CAST: variants seen among roughly 807,000 people sequenced by gnomAD.
CAST encodes calpastatin.
In CAST, 76 loss-of-function variants were observed where a neutral mutation model predicts 119.6. That is an observed-to-expected ratio of 0.64 (90% CI 0.53 to 0.77). The LOEUF (loss-of-function observed/expected upper bound fraction) is 0.77, where lower values mean the gene tolerates loss of function less well. CAST is among the 30% of genes least tolerant of loss of function. The pLI is 0.00. For synonymous variants in CAST, 319 were observed against 331.6 expected (o/e 0.96, Z 0.41); for missense variants, 953 against 946.5 (o/e 1.01, Z -0.09).
At chr5:96,484,592 T>C in the CAST span, among the ~76,000 whole-genome samples, 107,593 of 152,010 alleles carry the variant, frequency 0.71, 38,544 homozygotes, top group African/African-American at 0.81. Context: ...GAATATTCAC[T>C]ATTTTTGGTT....
the CAST span, among the ~76,000 whole-genome samples, chr5:96,279,978 C>T: frequency 2.6e-5 from 4 of 152,378 alleles, no homozygotes; most frequent in Admixed American, 6.5e-5. Flanking sequence ...CGCCAGACAA[C>T]AGGCAAACAC....
intron 31 of CAST, 80 bp downstream of exon 31, chr5:96,771,782 C>T (rs774613198): frequency 6.1e-6 from 5 of 817,236 alleles, no homozygotes; most frequent in Non-Finnish European, 1.0e-5. Context: ...GAAGTGAAGT[C>T]CACCTCTTGA....
intron 1 of CAST, among the ~76,000 whole-genome samples, chr5:96,559,303 A>G (rs570130177): frequency 6.6e-6 from 1 of 152,224 alleles, no homozygotes; most frequent in Non-Finnish European, 1.5e-5. Context: ...GGCTAAAGAC[A>G]GGGATGTCCT....
At chr5:95,999,220 G>A in the CAST span, among the ~76,000 whole-genome samples, 1 of 152,022 alleles carries the variant, frequency 6.6e-6, no homozygotes, top group African/African-American at 2.4e-5. Context: ...TAATATAAAT[G>A]GAATTATGTG....
chr5:96,611,780 T>C (rs1265854106), intron 1 of CAST, among the ~76,000 whole-genome samples: 1 of 151,858 alleles, frequency 6.6e-6, no homozygotes, highest in Non-Finnish European at 1.5e-5. Context: ...AAATTGGGCA[T>C]AGGATATGAA....
intron 3 of CAST, among the ~76,000 whole-genome samples, chr5:96,706,316 A>AT (rs1451339643): frequency 6.6e-6 from 1 of 151,930 alleles, no homozygotes; most frequent in Non-Finnish European, 1.5e-5. Flanking sequence ...TTCTTTCTTT[A>AT]TTTTTTCCCT....
At chr5:96,515,154 G>T in the CAST span, among the ~76,000 whole-genome samples, 1 of 144,788 alleles carries the variant, frequency 6.9e-6, no homozygotes, top group Non-Finnish European at 1.5e-5. Flanking sequence ...AGAAGGATGG[G>T]AGTGCTTCAA....
the CAST span, among the ~76,000 whole-genome samples, chr5:96,178,472 C>T: frequency 6.6e-6 from 1 of 152,048 alleles, no homozygotes; most frequent in Non-Finnish European, 1.5e-5. Flanking sequence ...ACTCAGTTCT[C>T]CTGAAACAAT....
At chr5:96,719,484 T>G (rs1312679350) in intron 3 of CAST, among the ~76,000 whole-genome samples, 1 of 152,210 alleles carries the variant, frequency 6.6e-6, no homozygotes, top group East Asian at 1.9e-4. Flanking sequence ...TAAATAATAA[T>G]TGTTGAATAG....
At chr5:96,696,110 A>G (rs1581003309) in intron 3 of CAST, 2 of 341,688 alleles carry the variant, frequency 5.9e-6, no homozygotes, top group East Asian at 4.6e-5. Flanking sequence ...CATTTATTGT[A>G]TAAATCTTCT....
the CAST span, among the ~76,000 whole-genome samples, chr5:96,013,226 G>C: frequency 4.7e-5 from 7 of 149,330 alleles, no homozygotes; most frequent in African/African-American, 1.7e-4. Flanking sequence ...CCTGTTCCCT[G>C]TTCACAAGGT....
Position 96,729,175 on chromosome 5 carries a change from A to G in CAST, c.401A>G (p.Lys134Arg), listed in dbSNP as rs1759943515. The part of the protein sequence containing the change: ...STKLSVVHEK[K>R]SQEGKPKEHT... ...CAGCTGTCTGTGGTTCATGAGAAAA[A>G]ATCCCAAGAAGGAAAGCCAAAAGAA... Residue 134 changes from lysine (K) to arginine (R), a missense_variant, in exon 7 of 32, where the codon AAA becomes AGA. Coordinates refer to ENST00000675179, the MANE Select transcript of CAST (RefSeq NM_001750.7). 1 of 1,602,794 alleles carries G rather than the reference A, an allele frequency of 6.2e-7. No homozygotes were observed. The highest frequency in any genetic ancestry group is 8.5e-7 in the Non-Finnish European group (1 of 1,170,656).
intron 1 of CAST, among the ~76,000 whole-genome samples, chr5:96,652,657 G>T (rs1192928593): frequency 6.6e-6 from 1 of 152,188 alleles, no homozygotes; most frequent in African/African-American, 2.4e-5. Flanking sequence ...AGTAAGATAT[G>T]TGCCATATGT....
chr5:96,494,913 C>T, the CAST span, among the ~76,000 whole-genome samples: 145,934 of 151,984 alleles, frequency 0.96, 70,315 homozygotes, highest in East Asian at 1. Context: ...GTCAGGAGCT[C>T]GAGACCATCC....
the CAST span, among the ~76,000 whole-genome samples, chr5:96,372,329 A>C: frequency 6.6e-6 from 1 of 152,226 alleles, no homozygotes; most frequent in African/African-American, 2.4e-5. Context: ...TTGCCCATGA[A>C]TCTGATTACA....
At chr5:96,360,509 T>C in the CAST span, among the ~76,000 whole-genome samples, 3 of 152,040 alleles carry the variant, frequency 2.0e-5, no homozygotes, top group Non-Finnish European at 2.9e-5. Flanking sequence ...TTGGATGGGG[T>C]TTTGGTGTGG....
At chr5:96,023,809 AT>A in the CAST span, among the ~76,000 whole-genome samples, 1 of 152,084 alleles carries the variant, frequency 6.6e-6, no homozygotes, top group African/African-American at 2.4e-5. Flanking sequence ...AAAAAAAAAA[AT>A]AAGACATGCA....
At chr5:96,048,795 C>T in the CAST span, among the ~76,000 whole-genome samples, 1 of 152,164 alleles carries the variant, frequency 6.6e-6, no homozygotes, top group Middle Eastern at 3.4e-3. Flanking sequence ...AGTCTTTTTT[C>T]CCCTTTAGAC....
the CAST span, among the ~76,000 whole-genome samples, chr5:96,057,208 A>G: frequency 6.6e-6 from 1 of 152,232 alleles, no homozygotes; most frequent in African/African-American, 2.4e-5. Flanking sequence ...AGTAGGTTAC[A>G]ATTCACAGTG....
Sources: gnomAD v4.1 joint callset for allele counts (sites outside exome capture counted in the v4.1 genomes callset) on GRCh38, gnomAD v4.1.1 for gene constraint, MANE v1.5 for transcripts, NCBI Gene and HGNC (gene_info 2026-07-23, HGNC 2026-07-21) for gene names.